Variants in PTPRD observed in about 807,000 individuals in gnomAD.
PTPRD encodes protein tyrosine phosphatase receptor type D.
PTPRD carries 34 observed loss-of-function variants against 214.5 expected under a neutral mutation model. The ratio of observed to expected loss-of-function variants is 0.16; its 90% CI spans 0.12 to 0.21. PTPRD has a LOEUF of 0.21. Ranked by LOEUF, PTPRD falls within the 10% of genes least tolerant of loss-of-function variation. PTPRD has a pLI of 1.00. For missense variants in PTPRD, 2,545 were observed against 2,398.7 expected, an observed-to-expected ratio of 1.06 and a Z score of -1.27; for synonymous variants, 1,128 against 845.7, an observed-to-expected ratio of 1.33 and a Z score of -5.79.
At chr9:10,490,767 G>C (rs965818690) in intron 2 of PTPRD, among the ~76,000 whole-genome samples, 3 of 151,964 alleles carry the variant, frequency 2.0e-5, no homozygotes, top group Admixed American at 6.6e-5. Flanking sequence ...ATACATTTCA[G>C]GCAAATATTT....
intron 3 of PTPRD, among the ~76,000 whole-genome samples, chr9:10,163,092 C>A (rs995475708): frequency 1.1e-4 from 16 of 150,710 alleles, no homozygotes; most frequent in Admixed American, 4.6e-4. Context: ...ATGAAATAAA[C>A]TTTAAATGTG....
chr9:10,500,037 C>A lies in PTPRD; in HGVS notation c.-600+112361G>T, dbSNP rs1006765201. Among the ~76,000 whole-genome samples the A allele has an allele frequency of 7.5e-5, 11 of 146,584 alleles. No homozygotes were observed. In the East Asian group the frequency reaches 2.2e-3, roughly 29 times the overall value. On this transcript the variant is annotated intron_variant, in intron 2 of 45. Coordinates refer to ENST00000381196, the MANE Select transcript of PTPRD (RefSeq NM_002839.4). ...ACCAAATATCTTTATAAGACCATGACCTTTTTCCAATATTGGAATATTTTT... is the reference window on the plus strand; with the variant it reads ...ACCAAATATCTTTATAAGACCATGAACTTTTTCCAATATTGGAATATTTTT...
intron 7 of PTPRD, among the ~76,000 whole-genome samples, chr9:9,660,897 G>T (rs2096610193): frequency 6.6e-6 from 1 of 151,910 alleles, no homozygotes; most frequent in African/African-American, 2.4e-5. Flanking sequence ...CCAATGCCAG[G>T]ATTCATGACT....
At chr9:9,089,646 G>C (rs1253354514) in intron 10 of PTPRD, among the ~76,000 whole-genome samples, 1 of 152,056 alleles carries the variant, frequency 6.6e-6, no homozygotes, top group Non-Finnish European at 1.5e-5. Flanking sequence ...AATCCTGCTT[G>C]CCTATTTAGG....
chr9:10,285,517 G>A (rs2095314728), intron 3 of PTPRD, among the ~76,000 whole-genome samples: 1 of 150,924 alleles, frequency 6.6e-6, no homozygotes, highest in Non-Finnish European at 1.5e-5. Flanking sequence ...CACAGCCTTT[G>A]AAGCAAGGCT....
At chr9:10,611,892 C>G (rs946424951) in intron 2 of PTPRD, among the ~76,000 whole-genome samples, 2 of 143,362 alleles carry the variant, frequency 1.4e-5, no homozygotes, top group Admixed American at 1.5e-4. Context: ...TCCTTATTAA[C>G]TTTCCCTTTT....
chr9:9,860,025 T>C (rs577837845), intron 5 of PTPRD, among the ~76,000 whole-genome samples: 23 of 152,348 alleles, frequency 1.5e-4, no homozygotes, highest in African/African-American at 5.3e-4. Context: ...TAATATTTGA[T>C]TCTCCTGCAT....
chr9:9,308,295 A>C (rs539838063), intron 9 of PTPRD, among the ~76,000 whole-genome samples: 15 of 152,322 alleles, frequency 9.8e-5, no homozygotes, highest in Admixed American at 5.9e-4. Flanking sequence ...AAATCCTAGA[A>C]ACACATTTTA....
chr9:9,532,185 T>C (rs1320664399), intron 8 of PTPRD, among the ~76,000 whole-genome samples: 2 of 151,724 alleles, frequency 1.3e-5, no homozygotes, highest in African/African-American at 2.4e-5. Context: ...TGACTCAGAG[T>C]GAGGATGGGT....
chr9:8,355,166 A>G (rs1233197804), intron 39 of PTPRD, among the ~76,000 whole-genome samples: 1 of 151,980 alleles, frequency 6.6e-6, no homozygotes, highest in Non-Finnish European at 1.5e-5. Context: ...ATGAGAACTG[A>G]TTGTTTAAAA....
At chr9:10,206,166 T>C (rs948312236) in intron 3 of PTPRD, among the ~76,000 whole-genome samples, 1 of 151,042 alleles carries the variant, frequency 6.6e-6, no homozygotes, top group African/African-American at 2.4e-5. Context: ...AGCATTCTTG[T>C]AAGGAGAAAT....
rs532875837 is a variant in PTPRD at position 10,394,894 on chromosome 9, T to C, written c.-599-53877A>G. Among the ~76,000 whole-genome samples, 6 of 151,812 alleles carry C rather than the reference T, an allele frequency of 4.0e-5. No homozygotes were observed. The East Asian group carries it at 7.8e-4, about 20-fold the overall frequency. On this transcript the variant is annotated intron_variant, in intron 2 of 45. Transcript: ENST00000381196. Reference sequence around the variant, plus strand: ...AAAGATAATGCTTTTATGGTGCTGATGAATGTGGATTTAATATGCATTTAC... The same window carrying C: ...AAAGATAATGCTTTTATGGTGCTGACGAATGTGGATTTAATATGCATTTAC...
At chr9:8,782,287 C>T (rs185878569) in intron 11 of PTPRD, among the ~76,000 whole-genome samples, 20 of 152,152 alleles carry the variant, frequency 1.3e-4, no homozygotes, top group Non-Finnish European at 2.4e-4. Flanking sequence ...AAAATCTACT[C>T]TTAGCAATTT....
In PTPRD at chr9:9,619,751, T is replaced by C. The variant is rs1166957654; in HGVS notation, c.-286-44970A>G. 4.8e-5 allele frequency among the ~76,000 whole-genome samples: 7 copies of C among 146,348 alleles called. No homozygotes were observed. In the East Asian group the frequency reaches 7.8e-4, roughly 16 times the overall value. ...TGTATTTAATTTTCTATAGATGTAA[T>C]ATTTATATATAATCTATATAAGTAT... On this transcript the variant is annotated intron_variant, in intron 7 of 45. Coordinates refer to ENST00000381196, the MANE Select transcript of PTPRD (RefSeq NM_002839.4).
chr9:8,951,471 C>A (rs1422014570), intron 11 of PTPRD, among the ~76,000 whole-genome samples: 3 of 151,932 alleles, frequency 2.0e-5, no homozygotes, highest in Non-Finnish European at 2.9e-5. Flanking sequence ...GAACTTTCTA[C>A]TGAAATCTAG....
At chr9:9,062,483 A>T (rs1159079545) in intron 10 of PTPRD, among the ~76,000 whole-genome samples, 4 of 152,042 alleles carry the variant, frequency 2.6e-5, no homozygotes, top group African/African-American at 9.7e-5. Context: ...ATCCCCATGG[A>T]TCTCACCCAC....
At chr9:8,576,462 A>G (rs1317015098) in intron 14 of PTPRD, among the ~76,000 whole-genome samples, 2 of 152,070 alleles carry the variant, frequency 1.3e-5, no homozygotes. Context: ...TGTTTCCTAA[A>G]GCTTCACATT....
At chr9:9,412,020 C>T (rs1174113723) in intron 8 of PTPRD, among the ~76,000 whole-genome samples, 1 of 152,196 alleles carries the variant, frequency 6.6e-6, no homozygotes, top group East Asian at 1.9e-4. Context: ...CTTATGACCA[C>T]ATTCACGGGA....
At chr9:10,604,553 T>C (rs964518207) in intron 2 of PTPRD, among the ~76,000 whole-genome samples, 3 of 151,858 alleles carry the variant, frequency 2.0e-5, no homozygotes, top group African/African-American at 7.2e-5. Flanking sequence ...ACAATTATAC[T>C]GCAAGAAAGC....
Sources: gnomAD v4.1 joint callset for allele counts (sites outside exome capture counted in the v4.1 genomes callset) on GRCh38, gnomAD v4.1.1 for gene constraint, MANE v1.5 for transcripts, NCBI Gene and HGNC (gene_info 2026-07-23, HGNC 2026-07-21) for gene names.